The following CFAP46 variants were observed in gnomAD, a reference collection of about 807,000 sequenced individuals.
The protein encoded by CFAP46 is cilia- and flagella-associated protein 46.
CFAP46 carries 245 observed loss-of-function variants against 325.7 expected under a neutral mutation model. The observed-to-expected ratio is 0.75, with a 90% CI of 0.68 to 0.84. The LOEUF (loss-of-function observed/expected upper bound fraction) is 0.84. CFAP46 is among the 40% of genes least tolerant of loss of function. The pLI is 0.00. For missense variants in CFAP46, 3,346 were observed against 3,543.0 expected (o/e 0.94, Z 1.41); for synonymous variants, 1,523 against 1,495.9 (o/e 1.02, Z -0.42).
At chr10:132,867,866 C>T (rs1848839726) in intron 33 of CFAP46, among the ~76,000 whole-genome samples, 1 of 152,232 alleles carries the variant, frequency 6.6e-6, no homozygotes, top group Admixed American at 6.5e-5. Context: ...TGGGTGGGCT[C>T]CTGCTCCCCG....
rs149261301 is a variant in CFAP46, at chr10:132,906,100, G to A, written c.2924+2368C>T. On this transcript the variant is annotated intron_variant, in intron 22 of 57. Coordinates refer to ENST00000368586, the MANE Select transcript of CFAP46 (RefSeq NM_001200049.3). ...TGCAGTGAAAAGCCCGTCGATGTTG[G>A]CAAAGAGAAAACAGCGGGACTGGGC... is the stretch of plus-strand genomic sequence containing the variant. Among the ~76,000 whole-genome samples, 1,121 of 152,362 alleles carry A rather than the reference G, an allele frequency of 7.4e-3. 14 individuals carry two copies. The highest frequency in any genetic ancestry group is 0.025 in the African/African-American group (1,034 of 41,590).
intron 22 of CFAP46, among the ~76,000 whole-genome samples, chr10:132,899,869 G>C (rs556757306): frequency 6.6e-6 from 1 of 152,336 alleles, no homozygotes; most frequent in African/African-American, 2.4e-5. Context: ...CAGGGATGCA[G>C]GGCAAGGGGC....
chr10:132,812,771 A>G lies in CFAP46; in HGVS notation c.7501+14T>C, dbSNP rs1847606814. On this transcript the variant is annotated intron_variant, in intron 55 of 57. Coordinates refer to ENST00000368586, the MANE Select transcript of CFAP46 (RefSeq NM_001200049.3). ...TGCCCGCGGGGGAGGGGGTGCTGAG[A>G]GGACACCTCTCACCTTGCAAGTTCA... 2.5e-6 allele frequency: 4 copies of G among 1,595,900 alleles called. No homozygotes were observed. Among genetic ancestry groups the G allele is most frequent in the Non-Finnish European group, 3.4e-6 (4 of 1,165,702 alleles).
At chr10:132,936,364 TCGG>T (rs1352270640) in intron 7 of CFAP46, among the ~76,000 whole-genome samples, 28 of 56,486 alleles carry the variant, frequency 5.0e-4, no homozygotes, top group African/African-American at 2.2e-3. Context: ...CTCACTCCCC[TCGG>T]CACCCAAACA....
At chr10:132,840,561 C>G (rs1370219320) in intron 44 of CFAP46, among the ~76,000 whole-genome samples, 1 of 152,166 alleles carries the variant, frequency 6.6e-6, no homozygotes, top group Non-Finnish European at 1.5e-5. Context: ...GTATGCAAGG[C>G]TGTTATTTTT....
chr10:132,860,315 T>C, intron 37 of CFAP46, 102 bp downstream of exon 37: 1 of 808,954 alleles, frequency 1.2e-6, no homozygotes, highest in Non-Finnish European at 2.0e-6. Flanking sequence ...GACGTGGGTC[T>C]CTGAACTTGC....
In CFAP46 at chr10:132,814,175, A is replaced by G; in HGVS notation, c.7365T>C (p.His2455=). The G allele has an allele frequency of 1.9e-6, 3 of 1,613,894 alleles. No individual in the cohort carries two copies. Among genetic ancestry groups the G allele is most frequent in the South Asian group, 1.1e-5 (1 of 91,086 alleles). ...QDTFTSRWAG[H]LGSKHFPSQA... is the part of the protein sequence containing the mutation. Reference sequence around the variant, plus strand: ...ACCTGGGAAAGTGCTTGCTTCCCAGATGTCCCGCCCATCGCGACGTGAATG... The same window carrying G: ...ACCTGGGAAAGTGCTTGCTTCCCAGGTGTCCCGCCCATCGCGACGTGAATG... The change falls in exon 54 of 58, where the codon CAT becomes CAC. Residue 2455 remains histidine (H), a synonymous_variant. Transcript: ENST00000368586.
At position 132,880,984 on chromosome 10, in the gene CFAP46, G is replaced by A. The variant is rs764007213; in HGVS notation, c.3676C>T (p.Gln1226Ter). 4 of 1,550,402 alleles carry A rather than the reference G, an allele frequency of 2.6e-6. No homozygotes were observed. The highest frequency in any genetic ancestry group is 3.5e-6 in the Non-Finnish European group (4 of 1,146,992). The change falls in exon 28 of 58, where the codon CAG (glutamine) becomes TAG (stop). Residue 1226 changes from glutamine (Q) to a stop codon, truncating the protein, a stop_gained. Coordinates refer to ENST00000368586, the MANE Select transcript of CFAP46 (RefSeq NM_001200049.3). LOFTEE classifies it high-confidence loss of function. ...QKVEYLMEFG[Q>*]WLHHRHFPLE... Reference sequence around the variant, plus strand: ...GGAAAGTGTCTGTGATGGAGCCACTGGCCGAACTCCATGAGGTACTCCACC... The same window carrying A: ...GGAAAGTGTCTGTGATGGAGCCACTAGCCGAACTCCATGAGGTACTCCACC...
Position 132,879,646 on chromosome 10 carries a change from G to A in CFAP46, c.3800-15C>T. The stretch of plus-strand genomic sequence containing the variant: ...CACGTACTCCCCTGAAACACGGGGT[G>A]CCCGAGGCTGAGAGCAGGCCCGGCT... On this transcript the variant is annotated splice_polypyrimidine_tract_variant and intron_variant, in intron 28 of 57. Transcript: ENST00000368586. The A allele has an allele frequency of 6.7e-7, 1 of 1,493,142 alleles. No homozygotes were observed. The highest frequency in any genetic ancestry group is 8.9e-7 in the Non-Finnish European group (1 of 1,119,922). 92.5% of individuals were successfully genotyped at this position (1,493,142 alleles called of 1,614,324 possible). A position where few individuals can be genotyped will look rare whatever the true frequency, so the allele number is the denominator to read the frequency against.
In CFAP46 at chr10:132,885,247, G is replaced by T; in HGVS notation, c.3483C>A (p.Leu1161=). The stretch of plus-strand genomic sequence containing the variant: ...GTATTTCCATCGAAAAATTCTGCCC[G>T]AGCTTGGCCTTCACGATGACCATGT... ...FKHMVIVKAK[L]GQNFSMEIQK... is the part of the protein sequence containing the mutation. Residue 1161 remains leucine, a synonymous_variant, in exon 27 of 58, where the codon CTC becomes CTA. Coordinates refer to ENST00000368586, the MANE Select transcript of CFAP46 (RefSeq NM_001200049.3). 1 of 1,550,166 alleles carries T rather than the reference G, an allele frequency of 6.5e-7. No individual in the cohort carries two copies. The highest frequency in any genetic ancestry group is 8.7e-7 in the Non-Finnish European group (1 of 1,146,734).
chr10:132,825,803 C>G (rs927606635), intron 50 of CFAP46, among the ~76,000 whole-genome samples: 40 of 152,144 alleles, frequency 2.6e-4, no homozygotes, highest in African/African-American at 9.4e-4. Context: ...ACAGAAGAAC[C>G]GGTGAGAGAC....
intron 38 of CFAP46, 40 bp from the exon 39 acceptor site, chr10:132,857,828 T>A (rs1237820539): frequency 7.2e-7 from 1 of 1,397,248 alleles, no homozygotes; most frequent in Admixed American, 2.8e-5. Context: ...AACATTATGT[T>A]ATTATTACTA....
chr10:132,851,001 G>T, intron 40 of CFAP46, 116 bp downstream of exon 40: 1 of 1,241,038 alleles, frequency 8.1e-7, no homozygotes, highest in Non-Finnish European at 1.1e-6. Context: ...GTCCCCAGCT[G>T]ACCCGCACCG....
At chr10:132,861,630 G>A (rs1442695165) in intron 35 of CFAP46, among the ~76,000 whole-genome samples, 1 of 152,232 alleles carries the variant, frequency 6.6e-6, no homozygotes, top group Non-Finnish European at 1.5e-5. Context: ...AGAAATACAG[G>A]GCAGACTGTG....
chr10:132,912,946 G>A (rs1174309511), intron 18 of CFAP46, 100 bp downstream of exon 18: 1 of 1,471,506 alleles, frequency 6.8e-7, no homozygotes, highest in Non-Finnish European at 9.2e-7. Context: ...TCCTCTGCTG[G>A]GACACAGAGG....
At chr10:132,822,410 A>ATGCTGTGTGTGTGGTGATGTG (rs1565036226) in intron 50 of CFAP46, among the ~76,000 whole-genome samples, 1 of 59,338 alleles carries the variant, frequency 1.7e-5, no homozygotes, top group Non-Finnish European at 3.2e-5. Context: ...TGTGCACTGT[A>ATGCTGTGTGTGTGGTGATGTG]TGCTGTGTGT....
chr10:132,920,141 C>T lies in CFAP46; in HGVS notation c.1648G>A (p.Ala550Thr). The T allele has an allele frequency of 6.5e-7, 1 of 1,548,898 alleles. No homozygotes were observed. Among genetic ancestry groups the T allele is most frequent in the Non-Finnish European group, 8.7e-7 (1 of 1,146,374 alleles). The stretch of plus-strand genomic sequence containing the variant: ...CTGACGGTGTGGTGCCACGCCTTCG[C>T]ACAGAGGTAGGTGAACCGGCCCCTG... Reference protein sequence around the residue: ...KNRGRFTYLCAKAWHHTVSVD... With the variant: ...KNRGRFTYLCTKAWHHTVSVD... The change falls in exon 14 of 58, where the codon GCG becomes ACG. Residue 550 changes from alanine (A) to threonine (T), a missense_variant. Ala to Thr is a moderately conservative substitution (Grantham distance 58). Transcript: ENST00000368586.
Position 132,876,158 on chromosome 10 carries a change from G to T in CFAP46, c.4362+654C>A, listed in dbSNP as rs1475813498. On this transcript the variant is annotated intron_variant, in intron 31 of 57. Coordinates refer to ENST00000368586, the MANE Select transcript of CFAP46 (RefSeq NM_001200049.3). This position sits in a 1 kb window ranked among gnomAD's most constrained non-coding sequence, Gnocchi z 4.1. ...CCATTAAACCAAGGGGAATGCCCCTGCCCACCCACCGGCTGCTGATATTGA... is the reference window on the plus strand; with the variant it reads ...CCATTAAACCAAGGGGAATGCCCCTTCCCACCCACCGGCTGCTGATATTGA... 6.6e-6 allele frequency among the ~76,000 whole-genome samples: 1 copy of T among 152,210 alleles called. No homozygotes were observed. Among genetic ancestry groups the T allele is most frequent in the Non-Finnish European group, 1.5e-5 (1 of 68,026 alleles).
intron 25 of CFAP46, among the ~76,000 whole-genome samples, chr10:132,887,713 G>C (rs199804646): frequency 7.6e-5 from 3 of 39,676 alleles, no homozygotes; most frequent in African/African-American, 2.0e-4. Flanking sequence ...CTCTCTCTCC[G>C]CTCCTCTCTC....
Sources: gnomAD v4.1 joint callset for allele counts (sites outside exome capture counted in the v4.1 genomes callset) on GRCh38, gnomAD v4.1.1 for gene constraint, Gnocchi (gnomAD v3.1) non-coding constraint, MANE v1.5 for transcripts, NCBI Gene and HGNC (gene_info 2026-07-23, HGNC 2026-07-21) for gene names.